The following CSMD1 variants were observed in gnomAD, a reference collection of about 807,000 sequenced individuals.
CSMD1 encodes CUB and sushi domain-containing protein 1.
Under a neutral mutation model 417.5 loss-of-function variants are expected in CSMD1, and 213 were observed. The ratio of observed to expected loss-of-function variants is 0.51; its 90% confidence interval spans 0.46 to 0.57. CSMD1 has a LOEUF of 0.57. Among genes scored for constraint, CSMD1 ranks in the 20% least tolerant of loss-of-function variants. The pLI, the probability that CSMD1 is intolerant of heterozygous loss-of-function variation, is 0.00. For synonymous variants in CSMD1, 2,862 were observed against 1,736.8 expected (o/e 1.65, Z -16.11); for missense variants, 6,923 against 4,529.7 (o/e 1.53, Z -15.17).
intron 54 of CSMD1, among the ~76,000 whole-genome samples, chr8:2,993,407 C>G (rs956775776): frequency 1.3e-5 from 2 of 152,140 alleles, no homozygotes; most frequent in African/African-American, 4.8e-5. Context: ...CTACTGTCTG[C>G]CCCTGTCCGG....
chr8:3,874,825 G>C (rs1176769076), intron 5 of CSMD1, among the ~76,000 whole-genome samples: 1 of 152,100 alleles, frequency 6.6e-6, no homozygotes, highest in Non-Finnish European at 1.5e-5. Context: ...CAAAGACGGG[G>C]TCAATTTCGG....
chr8:4,333,295 C>T (rs796276617), intron 3 of CSMD1, among the ~76,000 whole-genome samples: 19 of 152,156 alleles, frequency 1.2e-4, no homozygotes, highest in African/African-American at 3.4e-4. Context: ...CTGAAAGAAG[C>T]GTCTCAGATG....
intron 3 of CSMD1, among the ~76,000 whole-genome samples, chr8:4,280,780 AAT>A (rs1796739456): frequency 1.3e-5 from 2 of 152,186 alleles, no homozygotes; most frequent in African/African-American, 4.8e-5. Context: ...CTATATATAA[AAT>A]ATTATTTGAA....
intron 37 of CSMD1, among the ~76,000 whole-genome samples, chr8:3,173,429 T>C (rs1057259220): frequency 9.2e-5 from 14 of 152,200 alleles, no homozygotes; most frequent in African/African-American, 3.4e-4. Context: ...CTTTGATTGA[T>C]ATTAATGAAA....
intron 41 of CSMD1, among the ~76,000 whole-genome samples, chr8:3,140,480 T>G (rs933532771): frequency 6.6e-6 from 1 of 152,206 alleles, no homozygotes; most frequent in African/African-American, 2.4e-5. Context: ...ATGCTGGCAA[T>G]GTCTAGAGAC....
intron 3 of CSMD1, among the ~76,000 whole-genome samples, chr8:4,043,498 T>C (rs1161474796): frequency 6.6e-6 from 1 of 152,178 alleles, no homozygotes; most frequent in African/African-American, 2.4e-5. Flanking sequence ...AAAAGTATTT[T>C]AAATACAAAC....
chr8:4,117,504 C>T (rs1802224197), intron 3 of CSMD1, among the ~76,000 whole-genome samples: 1 of 152,138 alleles, frequency 6.6e-6, no homozygotes, highest in South Asian at 2.1e-4. Context: ...AAATCATCTC[C>T]CTCCGACCAA....
intron 21 of CSMD1, among the ~76,000 whole-genome samples, chr8:3,357,375 G>C (rs577293437): frequency 6.6e-6 from 1 of 152,312 alleles, no homozygotes; most frequent in African/African-American, 2.4e-5. Context: ...ACAGGGAACT[G>C]TCCATCACAG....
intron 1 of CSMD1, among the ~76,000 whole-genome samples, chr8:4,727,548 G>T (rs866236037): frequency 1.3e-5 from 2 of 152,096 alleles, no homozygotes; most frequent in Non-Finnish European, 2.9e-5. Flanking sequence ...AAAGAAAAAT[G>T]GTGCAGAACT....
chr8:3,102,694 G>A (rs530314986), intron 46 of CSMD1, among the ~76,000 whole-genome samples: 3 of 152,106 alleles, frequency 2.0e-5, no homozygotes, highest in Admixed American at 1.3e-4. Context: ...CCATACTAAC[G>A]GAGTGTTTCA....
intron 1 of CSMD1, among the ~76,000 whole-genome samples, chr8:4,933,433 C>T (rs1425703768): frequency 6.6e-6 from 1 of 152,110 alleles, no homozygotes; most frequent in African/African-American, 2.4e-5. Context: ...GTCTTTGTGT[C>T]AAGATAAAGA....
At chr8:3,709,487 T>G (rs1417179391) in intron 6 of CSMD1, among the ~76,000 whole-genome samples, 6 of 151,950 alleles carry the variant, frequency 3.9e-5, no homozygotes, top group Admixed American at 6.6e-5. Flanking sequence ...CAGAGGAGAT[T>G]CTGGGGGTGT....
chr8:4,308,509 A>G (rs576655436), intron 3 of CSMD1, among the ~76,000 whole-genome samples: 9 of 152,282 alleles, frequency 5.9e-5, no homozygotes, highest in Non-Finnish European at 7.3e-5. Context: ...CCATTTCAGT[A>G]CTTCAGAGAC....
At chr8:4,205,741 C>A (rs1208439858) in intron 3 of CSMD1, among the ~76,000 whole-genome samples, 6 of 151,486 alleles carry the variant, frequency 4.0e-5, no homozygotes, top group African/African-American at 1.5e-4. Context: ...TCCTAGGCCA[C>A]TGTGAGATGA....
chr8:3,118,477 T>C lies in CSMD1; in HGVS notation c.6352A>G (p.Ile2118Val). 7 of 1,613,960 alleles carry C rather than the reference T, an allele frequency of 4.3e-6. No homozygotes were observed. The highest frequency in any genetic ancestry group is 5.9e-6 in the Non-Finnish European group (7 of 1,179,864). ...GTGAGGACAGGATGGCCTATTAGAA[T>C]GTACCCAGGATAACACTCGAAAGAT... ...SVSFECYPGY[I>V]LIGHPVLTCQ... Residue 2118 changes from isoleucine to valine, a missense_variant, in exon 42 of 70, where the codon ATT (isoleucine) becomes GTT (valine). Transcript: ENST00000635120.
At chr8:3,048,580 A>G (rs1211741735) in intron 50 of CSMD1, among the ~76,000 whole-genome samples, 1 of 152,206 alleles carries the variant, frequency 6.6e-6, no homozygotes, top group African/African-American at 2.4e-5. Flanking sequence ...CAGAAAAATT[A>G]ATCCATTATG....
intron 7 of CSMD1, among the ~76,000 whole-genome samples, chr8:3,647,972 A>G (rs1247323560): frequency 6.6e-6 from 1 of 152,232 alleles, no homozygotes; most frequent in Admixed American, 6.5e-5. Context: ...TGCTTGCTGT[A>G]AACAGCAGGA....
chr8:3,313,430 C>A (rs1321184760), intron 23 of CSMD1, among the ~76,000 whole-genome samples: 4 of 152,274 alleles, frequency 2.6e-5, no homozygotes, highest in East Asian at 1.9e-4. Flanking sequence ...AAAAAAACAA[C>A]CCCATCAAAA....
At chr8:3,714,183 TATA>T (rs1214438474) in intron 6 of CSMD1, among the ~76,000 whole-genome samples, 2 of 150,388 alleles carry the variant, frequency 1.3e-5, no homozygotes, top group Non-Finnish European at 3.0e-5. Flanking sequence ...TATATATGTA[TATA>T]ATAAGCTCCA....
Sources: allele counts gnomAD v4.1 joint callset (sites outside exome capture counted in the v4.1 genomes callset), GRCh38; gene constraint gnomAD v4.1.1; transcripts MANE v1.5; gene names NCBI Gene and HGNC (gene_info 2026-07-23, HGNC 2026-07-21).